The following PSG1 variants were observed in gnomAD, a reference collection of about 807,000 sequenced individuals.
PSG1 encodes the protein pregnancy-specific beta-1-glycoprotein 1.
In PSG1, 60 loss-of-function variants were observed where a neutral mutation model predicts 41.4. The observed-to-expected ratio is 1.45, with a 90% CI of 1.18 to 1.80. PSG1 has a LOEUF of 1.80. Among genes scored for constraint, PSG1 ranks in the 40% most tolerant of loss-of-function variants. The pLI, the probability that PSG1 is intolerant of heterozygous loss-of-function variation, is 0.00. For missense variants in PSG1, 806 were observed against 516.9 expected (o/e 1.56, Z -5.42); for synonymous variants, 256 against 192.9 (o/e 1.33, Z -2.71).
intron 2 of PSG1, among the ~76,000 whole-genome samples, chr19:42,876,997 A>T (rs1341870234): frequency 2.6e-5 from 4 of 151,540 alleles, no homozygotes; most frequent in African/African-American, 7.3e-5. Context: ...CCTGTGCCTC[A>T]GTTTTCTCTC....
At chr19:42,868,030 C>T (rs1028850412) in intron 5 of PSG1, 71 bp downstream of exon 5, 6 of 1,611,144 alleles carry the variant, frequency 3.7e-6, no homozygotes, top group African/African-American at 1.3e-5. Flanking sequence ...AATTGTTTTC[C>T]TGACTCTTCT....
At chr19:42,874,521 C>G (rs528997140) in intron 2 of PSG1, among the ~76,000 whole-genome samples, 2 of 151,382 alleles carry the variant, frequency 1.3e-5, no homozygotes, top group African/African-American at 4.9e-5. Flanking sequence ...TAATTTTTTG[C>G]ATTTTTAGTA....
intron 2 of PSG1, among the ~76,000 whole-genome samples, chr19:42,875,859 C>G (rs1419695820): frequency 7.8e-6 from 1 of 128,952 alleles, no homozygotes; most frequent in Non-Finnish European, 1.6e-5. Context: ...GCCAGAGGAA[C>G]TTGTCTGGCA....
intron 4 of PSG1, 30 bp downstream of exon 4, chr19:42,868,726 C>G (rs1971247691): frequency 1.2e-6 from 2 of 1,609,108 alleles, no homozygotes; most frequent in Non-Finnish European, 1.7e-6. Flanking sequence ...AGCTGGTGTC[C>G]TGGCCCACAG....
At chr19:42,873,418 T>G (rs936008652) in intron 2 of PSG1, among the ~76,000 whole-genome samples, 4 of 151,600 alleles carry the variant, frequency 2.6e-5, no homozygotes, top group African/African-American at 2.4e-5. Flanking sequence ...ATGCTCAATT[T>G]GTAACAGTGT....
intron 2 of PSG1, among the ~76,000 whole-genome samples, chr19:42,875,237 A>G (rs1971554457): frequency 6.6e-6 from 1 of 151,776 alleles, no homozygotes; most frequent in Admixed American, 6.6e-5. Flanking sequence ...TTAAACTTGA[A>G]GCAAGAATGA....
chr19:42,869,674 C>A (rs1046525175), intron 3 of PSG1: 2 of 156,556 alleles, frequency 1.3e-5, no homozygotes, highest in Admixed American at 1.2e-4. Context: ...CCAGTGACCT[C>A]TAAAGATAGA....
At chr19:42,873,788 G>T (rs1971491268) in intron 2 of PSG1, among the ~76,000 whole-genome samples, 1 of 151,622 alleles carries the variant, frequency 6.6e-6, no homozygotes, top group Non-Finnish European at 1.5e-5. Context: ...TGTTATGTTA[G>T]TAAATATAGA....
chr19:42,871,241 C>T (rs1256035879), intron 3 of PSG1, among the ~76,000 whole-genome samples: 1 of 151,616 alleles, frequency 6.6e-6, no homozygotes, highest in Non-Finnish European at 1.5e-5. Flanking sequence ...GCTGGAACTT[C>T]CCAGCAATCA....
chr19:42,870,976 G>T lies in PSG1; in HGVS notation c.709+791C>A, dbSNP rs375651546. Among the ~76,000 whole-genome samples the T allele has an allele frequency of 2.0e-4, 31 of 151,702 alleles. 2 individuals carry two copies. The highest frequency in any genetic ancestry group is 9.9e-4 in the Admixed American group (15 of 15,180). Reference sequence around the variant, plus strand: ...GGACAGGCAAAAGCTGGTGGTTTTGGAGTAGAAACATATTCCCTGTCCTGG... The same window carrying T: ...GGACAGGCAAAAGCTGGTGGTTTTGTAGTAGAAACATATTCCCTGTCCTGG... On this transcript the variant is annotated intron_variant, in intron 3 of 5. Transcript: ENST00000436291.
chr19:42,869,957 T>G (rs1971310121), intron 3 of PSG1: 2 of 151,684 alleles, frequency 1.3e-5, no homozygotes, highest in Admixed American at 1.3e-4. Context: ...AGAGAGGTTT[T>G]GCAAATATTT....
At chr19:42,870,489 A>T (rs1045772757) in intron 3 of PSG1, 1 of 151,552 alleles carries the variant, frequency 6.6e-6, no homozygotes, top group Non-Finnish European at 1.5e-5. Context: ...AGGCCTTGGG[A>T]TGTGAGAAAG....
chr19:42,869,030 C>G lies in PSG1; in HGVS notation c.714G>C (p.Lys238Asn). ...SDPVTLNLLPKLPKPYITINN... is the reference protein window; with the variant it reads ...SDPVTLNLLPNLPKPYITINN... ...TGATGGTGATGTAGGGCTTGGGCAG[C>G]TTCGCTGTGTGGATAACAGAGAGAA... The change falls in exon 4 of 6, where the codon AAG becomes AAC. Residue 238 changes from lysine (K) to asparagine (N), a missense_variant. Coordinates refer to ENST00000436291, the MANE Select transcript of PSG1 (RefSeq NM_001184825.2). The G allele has an allele frequency of 6.2e-7, 1 of 1,608,114 alleles. No individual in the cohort carries two copies. The highest frequency in any genetic ancestry group is 8.5e-7 in the Non-Finnish European group (1 of 1,177,714).
At position 42,866,921 on chromosome 19, in the gene PSG1, C is replaced by G. The variant is rs1317232653; in HGVS notation, c.*213G>C. Reference sequence around the variant, plus strand: ...AAAACTGTCCACAGTGTGAAGTCATCCACTTGTTGTCCTGGTTTACAGTTT... The same window carrying G: ...AAAACTGTCCACAGTGTGAAGTCATGCACTTGTTGTCCTGGTTTACAGTTT... On this transcript the variant is annotated 3_prime_UTR_variant, in exon 6 of 6. Coordinates refer to ENST00000436291, the MANE Select transcript of PSG1 (RefSeq NM_001184825.2). 5.7e-6 allele frequency: 4 copies of G among 703,720 alleles called. No homozygotes were observed. The highest frequency in any genetic ancestry group is 7.8e-6 in the Non-Finnish European group (3 of 384,864). 43.6% of individuals were successfully genotyped at this position (703,720 alleles called of 1,614,324 possible).
chr19:42,869,213 GC>G, intron 3 of PSG1, 179 bp from the exon 4 acceptor site: 1 of 1,367,200 alleles, frequency 7.3e-7, no homozygotes, highest in Non-Finnish European at 9.8e-7. Flanking sequence ...AGACTGTGAG[GC>G]CGCCTTCTCT....
At chr19:42,875,639 C>A (rs566370855) in intron 2 of PSG1, among the ~76,000 whole-genome samples, 37 of 151,494 alleles carry the variant, frequency 2.4e-4, no homozygotes, top group African/African-American at 9.0e-4. Flanking sequence ...AAACAATCAG[C>A]AGTACTAATT....
chr19:42,871,528 G>C (rs968943862), intron 3 of PSG1, among the ~76,000 whole-genome samples: 1 of 151,684 alleles, frequency 6.6e-6, no homozygotes, highest in Non-Finnish European at 1.5e-5. Flanking sequence ...ACCTTCACCT[G>C]TTTCTCCCAT....
chr19:42,866,581 T>G lies in PSG1; in HGVS notation c.*553A>C, dbSNP rs1971148921. 9.8e-6 allele frequency: 2 copies of G among 203,224 alleles called. No individual in the cohort carries two copies. Among genetic ancestry groups the G allele is most frequent in the East Asian group, 1.1e-4 (1 of 8,806 alleles). 12.6% of individuals were successfully genotyped at this position (203,224 alleles called of 1,614,324 possible). A position where few individuals can be genotyped will look rare whatever the true frequency, so the allele number is the denominator to read the frequency against. On this transcript the variant is annotated 3_prime_UTR_variant, in exon 6 of 6. Transcript: ENST00000436291. The stretch of plus-strand genomic sequence containing the variant: ...CAATGTGGATTTAAAGGGGACTCTA[T>G]TATAATTTCAGCTTTCCTACGTCTT...
In PSG1 at chr19:42,877,956, A is replaced by C; in HGVS notation, c.387T>G (p.Asp129Glu). Reference sequence around the variant, plus strand: ...AACGTCCAGTTACTCCTCTAGTCCCATCATCTCCCTTTATGATGTGTAAGG... The same window carrying C: ...AACGTCCAGTTACTCCTCTAGTCCCCTCATCTCCCTTTATGATGTGTAAGG... ...SYTLHIIKGD[D>E]GTRGVTGRFT... is the part of the protein sequence containing the mutation. Residue 129 changes from aspartate (D) to glutamate (E), a missense_variant, in exon 2 of 6, where the codon GAT becomes GAG. Transcript: ENST00000436291. 3 of 1,612,382 alleles carry C rather than the reference A, an allele frequency of 1.9e-6. No homozygotes were observed. The highest frequency in any genetic ancestry group is 2.5e-6 in the Non-Finnish European group (3 of 1,179,130).
Sources: gnomAD v4.1 joint callset for allele counts (sites outside exome capture counted in the v4.1 genomes callset) on GRCh38, gnomAD v4.1.1 for gene constraint, MANE v1.5 for transcripts, NCBI Gene and HGNC (gene_info 2026-07-23, HGNC 2026-07-21) for gene names.